CDYL: variants seen among roughly 807,000 people sequenced by gnomAD.
CDYL encodes the protein chromodomain Y like.
A neutral mutation model predicts 47.3 loss-of-function variants in CDYL; 8 were observed. That is an observed-to-expected ratio of 0.17 (90% CI 0.10 to 0.31). The LOEUF is 0.31. CDYL is among the 10% of genes least tolerant of loss of function. The probability of loss-of-function intolerance (pLI) is 1.00; values close to 1 mark genes in which losing one functional copy is unlikely to be tolerated. For synonymous variants in CDYL, 266 were observed against 265.0 expected (o/e 1.00, Z -0.04); for missense variants, 471 against 701.4 (o/e 0.67, Z 3.71).
chr6:4,738,456 TAAATC>T (rs1229485546), intron 3 of CDYL, among the ~76,000 whole-genome samples: 1 of 152,172 alleles, frequency 6.6e-6, no homozygotes, highest in East Asian at 1.9e-4. Flanking sequence ...TAAATGCAAA[TAAATC>T]CACATTTCAC....
chr6:4,750,692 A>G (rs950883504), intron 3 of CDYL, among the ~76,000 whole-genome samples: 1 of 152,180 alleles, frequency 6.6e-6, no homozygotes, highest in African/African-American at 2.4e-5. Context: ...AAAAGTGTGT[A>G]TGAATGACAA....
intron 3 of CDYL, among the ~76,000 whole-genome samples, chr6:4,740,808 A>G (rs1469941559): frequency 6.8e-6 from 1 of 146,950 alleles, no homozygotes; most frequent in Non-Finnish European, 1.5e-5. Context: ...TTTTTTTGAG[A>G]TGGAGTCTTG....
At chr6:4,868,113 T>C (rs1371696473) in intron 1 of CDYL, among the ~76,000 whole-genome samples, 1 of 151,936 alleles carries the variant, frequency 6.6e-6, no homozygotes, top group Non-Finnish European at 1.5e-5. Flanking sequence ...AATTGATTTA[T>C]ACTTGGATCT....
intron 1 of CDYL, among the ~76,000 whole-genome samples, chr6:4,823,093 A>C (rs561107111): frequency 6.6e-6 from 1 of 152,346 alleles, no homozygotes; most frequent in Admixed American, 6.5e-5. Flanking sequence ...TTTTCTTAAC[A>C]AATTGTAACA....
At chr6:4,894,595 T>C (rs1762141730) in intron 2 of CDYL, among the ~76,000 whole-genome samples, 1 of 152,162 alleles carries the variant, frequency 6.6e-6, no homozygotes, top group East Asian at 1.9e-4. Flanking sequence ...ATTCATTTAC[T>C]TCCACCACCA....
rs1375084268 is a variant in CDYL at position 4,954,294 on chromosome 6, C to G, written c.*238C>G. 1 of 372,560 alleles carries G rather than the reference C, an allele frequency of 2.7e-6. No homozygotes were observed. The highest frequency in any genetic ancestry group is 4.8e-6 in the Non-Finnish European group (1 of 207,350). 23.1% of individuals were successfully genotyped at this position (372,560 alleles called of 1,614,324 possible). A position where few individuals can be genotyped will look rare whatever the true frequency, so the allele number is the denominator to read the frequency against. On this transcript the variant is annotated 3_prime_UTR_variant, in exon 7 of 7. Transcript: ENST00000397588. ...CGTCATTATTTTATACTTATATACA[C>G]GCAGGTGTAAAAGTATAAAGGTGAG...
At chr6:4,945,099 C>T (rs959395865) in intron 5 of CDYL, among the ~76,000 whole-genome samples, 2 of 152,084 alleles carry the variant, frequency 1.3e-5, no homozygotes, top group African/African-American at 4.8e-5. Context: ...CACGACAGCT[C>T]AGAACATCAG....
intron 1 of CDYL, among the ~76,000 whole-genome samples, chr6:4,712,028 G>T (rs1039229956): frequency 2.2e-4 from 34 of 152,242 alleles, no homozygotes; most frequent in African/African-American, 8.2e-4. Flanking sequence ...CCACGCCACT[G>T]CACTCCAGCC....
intron 2 of CDYL, among the ~76,000 whole-genome samples, chr6:4,896,847 T>A (rs893021489): frequency 1.1e-4 from 16 of 152,136 alleles, no homozygotes; most frequent in African/African-American, 3.9e-4. Flanking sequence ...GAAGGAATAT[T>A]TTTGCCACCA....
intron 3 of CDYL, among the ~76,000 whole-genome samples, chr6:4,735,132 C>A (rs1469298353): frequency 6.6e-6 from 1 of 151,924 alleles, no homozygotes; most frequent in East Asian, 2.0e-4. Context: ...ACTAAAAATA[C>A]AAAATTTGCT....
chr6:4,863,433 C>T (rs1761230767), intron 1 of CDYL, among the ~76,000 whole-genome samples: 1 of 152,116 alleles, frequency 6.6e-6, no homozygotes, highest in African/African-American at 2.4e-5. Flanking sequence ...AAAATCGAGT[C>T]ACATAATTTC....
At chr6:4,802,234 A>G (rs1759246114) in intron 1 of CDYL, among the ~76,000 whole-genome samples, 2 of 143,890 alleles carry the variant, frequency 1.4e-5, no homozygotes, top group South Asian at 2.2e-4. Flanking sequence ...CCTTTAGATC[A>G]TTGAAAAAAA....
chr6:4,779,720 C>A (rs144321368), intron 1 of CDYL, among the ~76,000 whole-genome samples: 2 of 152,084 alleles, frequency 1.3e-5, no homozygotes, highest in African/African-American at 4.8e-5. Flanking sequence ...ATAGTTTTCA[C>A]AAAAAGACAA....
At chr6:4,940,329 C>T (rs1451361443) in intron 4 of CDYL, among the ~76,000 whole-genome samples, 4 of 152,200 alleles carry the variant, frequency 2.6e-5, no homozygotes, top group Admixed American at 6.5e-5. Context: ...TAATTAGTTA[C>T]ACCAGAGTCA....
intron 2 of CDYL, among the ~76,000 whole-genome samples, chr6:4,723,468 G>A (rs1046475580): frequency 1.3e-5 from 2 of 152,070 alleles, no homozygotes; most frequent in South Asian, 2.1e-4. Context: ...ACAGAGGTGT[G>A]GGCATAGTTA....
chr6:4,912,108 G>A (rs1169590401), intron 2 of CDYL, among the ~76,000 whole-genome samples: 5 of 152,148 alleles, frequency 3.3e-5, no homozygotes, highest in African/African-American at 1.2e-4. Flanking sequence ...TCTAAACAGC[G>A]CTAAACAGTC....
At chr6:4,856,167 C>T (rs1761002156) in intron 1 of CDYL, among the ~76,000 whole-genome samples, 1 of 152,112 alleles carries the variant, frequency 6.6e-6, no homozygotes. Context: ...AAAGTTCCAG[C>T]CTTCTAGTAG....
At chr6:4,878,041 A>T (rs917050062) in intron 1 of CDYL, among the ~76,000 whole-genome samples, 1 of 152,044 alleles carries the variant, frequency 6.6e-6, no homozygotes, top group African/African-American at 2.4e-5. Context: ...TTTCTCTTCT[A>T]TTCTCATAGT....
At chr6:4,930,322 T>C (rs1373514955) in intron 2 of CDYL, among the ~76,000 whole-genome samples, 1 of 152,244 alleles carries the variant, frequency 6.6e-6, no homozygotes, top group East Asian at 1.9e-4. Flanking sequence ...TCTGGAACTT[T>C]TTATCTATGT....
Sources: gnomAD v4.1 joint callset for allele counts (sites outside exome capture counted in the v4.1 genomes callset) on GRCh38, gnomAD v4.1.1 for gene constraint, MANE v1.5 for transcripts, NCBI Gene and HGNC (gene_info 2026-07-23, HGNC 2026-07-21) for gene names.